The following LAMA3 variants were observed in gnomAD, a reference collection of about 807,000 sequenced individuals.
LAMA3 encodes the protein laminin subunit alpha 3, also known as laminin subunit alpha-3.
Under a neutral mutation model 402.0 loss-of-function variants are expected in LAMA3, and 281 were observed. The ratio of observed to expected loss-of-function variants is 0.70; its 90% CI spans 0.63 to 0.77. The LOEUF is 0.77. Ranked by LOEUF, LAMA3 falls within the 30% of genes least tolerant of loss-of-function variation. LAMA3 has a pLI of 0.00. For synonymous variants in LAMA3, 1,431 were observed against 1,558.4 expected, an observed-to-expected ratio of 0.92 and a Z score of 1.93; for missense variants, 3,840 against 4,215.5, an observed-to-expected ratio of 0.91 and a Z score of 2.47.
intron 18 of LAMA3, among the ~76,000 whole-genome samples, chr18:23,819,426 G>A (rs2063239764): frequency 6.6e-6 from 1 of 152,034 alleles, no homozygotes; most frequent in Non-Finnish European, 1.5e-5. Flanking sequence ...TTATACCTAT[G>A]GTCCTTAGCA....
chr18:23,758,601 G>T, intron 7 of LAMA3, 90 bp downstream of exon 7: 2 of 975,904 alleles, frequency 2.0e-6, no homozygotes, highest in Non-Finnish European at 3.2e-6. Flanking sequence ...TAGAGAAGAG[G>T]CTGTGGTCAT....
At chr18:23,792,039 T>C (rs1391441787) in intron 12 of LAMA3, among the ~76,000 whole-genome samples, 1 of 152,126 alleles carries the variant, frequency 6.6e-6, no homozygotes, top group African/African-American at 2.4e-5. Context: ...GCCTATTTTA[T>C]GACACTTTCG....
Position 23,950,054 on chromosome 18 carries a change from A to G in LAMA3, c.9537A>G (p.Glu3179=). 1 of 1,614,138 alleles carries G rather than the reference A, an allele frequency of 6.2e-7. No individual in the cohort carries two copies. Among genetic ancestry groups the G allele is most frequent in the South Asian group, 1.1e-5 (1 of 91,064 alleles). The change falls in exon 72 of 75, where the codon GAA becomes GAG. Residue 3179 remains glutamate (E), a synonymous_variant. Transcript: ENST00000313654. ...CTCACTCTGTATTGTTGGGGCCAGA[A>G]TTTAAGCTTGTTTTCAGCATCCGCC... ...VLAHSVLLGP[E]FKLVFSIRPR...
chr18:23,936,654 C>G (rs1438376908), intron 67 of LAMA3, among the ~76,000 whole-genome samples: 1 of 152,116 alleles, frequency 6.6e-6, no homozygotes, highest in Non-Finnish European at 1.5e-5. Flanking sequence ...CATGTTAGCA[C>G]AAAGAGAAAC....
chr18:23,724,621 T>A (rs1396217474), intron 2 of LAMA3, among the ~76,000 whole-genome samples: 1 of 152,250 alleles, frequency 6.6e-6, no homozygotes, highest in Non-Finnish European at 1.5e-5. Flanking sequence ...AAAAAGAGCA[T>A]ATTTCATTCC....
intron 20 of LAMA3, among the ~76,000 whole-genome samples, chr18:23,823,414 T>A (rs184447530): frequency 1.8e-4 from 27 of 152,342 alleles, no homozygotes; most frequent in Non-Finnish European, 3.5e-4. Context: ...ACTCAAATAG[T>A]TGGAATACAT....
chr18:23,710,133 G>T, intron 1 of LAMA3: 1 of 701,108 alleles, frequency 1.4e-6, no homozygotes. Flanking sequence ...CTCTGGAGTC[G>T]CCGTGTCGTG....
rs754325174 is a variant in LAMA3, at chr18:23,763,535, T to A, written c.1182+12T>A. Reference sequence around the variant, plus strand: ...GCATTAACTGTCAGGTGAGGCACTATTTAAATCAAAGTGGATGTGTTGTCA... The same window carrying A: ...GCATTAACTGTCAGGTGAGGCACTAATTAAATCAAAGTGGATGTGTTGTCA... On this transcript the variant is annotated intron_variant, in intron 8 of 74. Coordinates refer to ENST00000313654, the MANE Select transcript of LAMA3 (RefSeq NM_198129.4). 6 of 1,471,932 alleles carry A rather than the reference T, an allele frequency of 4.1e-6. No individual in the cohort carries two copies. Among genetic ancestry groups the A allele is most frequent in the Non-Finnish European group, 5.7e-6 (6 of 1,050,500 alleles). The allele number at this position is 1,471,932 out of a possible 1,614,324, so 91.2% of individuals were successfully genotyped here. A position where few individuals can be genotyped will look rare whatever the true frequency, so the allele number is the denominator to read the frequency against.
chr18:23,947,812 CTT>C (rs35106056), intron 70 of LAMA3, among the ~76,000 whole-genome samples: 86 of 110,450 alleles, frequency 7.8e-4, no homozygotes, highest in Non-Finnish European at 1.1e-3. Context: ...TTCCTATTTT[CTT>C]TTTTTTTTTT....
chr18:23,939,464 A>C (rs1290225996), intron 68 of LAMA3, 78 bp downstream of exon 68: 1 of 1,411,086 alleles, frequency 7.1e-7, no homozygotes, highest in African/African-American at 1.4e-5. Flanking sequence ...TCTGACTGCC[A>C]TGACACCATG....
chr18:23,884,881 C>A (rs755801225), intron 41 of LAMA3, 28 bp downstream of exon 41: 5 of 1,571,594 alleles, frequency 3.2e-6, no homozygotes, highest in Non-Finnish European at 4.4e-6. Flanking sequence ...CCCGCCTCAG[C>A]CTGCAGAGGG....
Position 23,689,895 on chromosome 18 carries a change from C to A in LAMA3, c.212C>A (p.Pro71His). ...WATATCGERG[P>H]GEGRPQPELY... ...ACCGCCACCTGCGGGGAGAGGGGAC[C>A]CGGCGAGGGGAGGCCCCAGCCCGAG... The change falls in exon 1 of 75, where the codon CCC becomes CAC. Residue 71 changes from proline (P) to histidine (H), a missense_variant. Physicochemically the swap from Pro to His is moderately conservative, Grantham distance 77. This residue lies in a region of LAMA3 where 2,109 missense variants were observed against 2,376.0 expected (regional missense o/e 0.89). Coordinates refer to ENST00000313654, the MANE Select transcript of LAMA3 (RefSeq NM_198129.4). 1 of 1,538,012 alleles carries A rather than the reference C, an allele frequency of 6.5e-7. No homozygotes were observed. Among genetic ancestry groups the A allele is most frequent in the Non-Finnish European group, 8.8e-7 (1 of 1,142,184 alleles).
At chr18:23,842,555 T>G (rs2063726226) in intron 28 of LAMA3, 34 bp downstream of exon 28, 1 of 1,614,112 alleles carries the variant, frequency 6.2e-7, no homozygotes, top group Admixed American at 1.7e-5. Context: ...GCTGCCTGCC[T>G]CAGGCTGAAT....
intron 74 of LAMA3, 37 bp from the exon 75 acceptor site, chr18:23,954,466 A>G: frequency 6.3e-7 from 1 of 1,584,146 alleles, no homozygotes. Flanking sequence ...GGACAGTATG[A>G]ATTATTTACT....
intron 51 of LAMA3, 28 bp downstream of exon 51, chr18:23,904,722 A>G (rs1271990921): frequency 6.2e-7 from 1 of 1,612,150 alleles, no homozygotes; most frequent in Non-Finnish European, 8.5e-7. Flanking sequence ...CAGCTTCTCC[A>G]CATTCGCTGT....
intron 11 of LAMA3, among the ~76,000 whole-genome samples, chr18:23,782,572 T>A (rs535884669): frequency 7.0e-4 from 106 of 151,904 alleles, no homozygotes; most frequent in Non-Finnish European, 1.5e-4. Context: ...AATAAATAAA[T>A]AAAAAGAAAA....
intron 62 of LAMA3, among the ~76,000 whole-genome samples, chr18:23,922,076 T>G (rs1290439569): frequency 1.3e-5 from 2 of 152,230 alleles, no homozygotes; most frequent in Non-Finnish European, 2.9e-5. Context: ...GTTACGTAAC[T>G]GTTTCTTGGA....
chr18:23,813,222 A>G (rs888474707), intron 14 of LAMA3, 119 bp downstream of exon 14: 1 of 720,088 alleles, frequency 1.4e-6, no homozygotes, highest in African/African-American at 1.8e-5. Context: ...AAATTGCTTA[A>G]AGAGGTCATT....
intron 12 of LAMA3, among the ~76,000 whole-genome samples, chr18:23,798,300 C>G (rs1404030633): frequency 6.6e-6 from 1 of 152,154 alleles, no homozygotes; most frequent in South Asian, 2.1e-4. Context: ...CAGCTTCCCC[C>G]AACCCCACCG....
Sources: allele counts gnomAD v4.1 joint callset (sites outside exome capture counted in the v4.1 genomes callset), GRCh38; gene constraint gnomAD v4.1.1; regional missense constraint gnomAD v4.1.1; transcripts MANE v1.5; gene names NCBI Gene and HGNC (gene_info 2026-07-23, HGNC 2026-07-21).